PCSK5: variants seen among roughly 807,000 people sequenced by gnomAD.
The protein encoded by PCSK5 is prohormone convertase 5.
Under a neutral mutation model 233.2 loss-of-function variants are expected in PCSK5, and 129 were observed. The ratio of observed to expected loss-of-function variants is 0.55; its 90% CI spans 0.48 to 0.64. The LOEUF is 0.64. PCSK5 is among the 30% of genes least tolerant of loss of function. PCSK5 has a pLI of 0.00. For missense variants in PCSK5, 2,076 were observed against 2,430.1 expected (o/e 0.85, Z 3.06); for synonymous variants, 825 against 879.2 (o/e 0.94, Z 1.09).
chr9:76,067,605 C>T (rs962930737), intron 5 of PCSK5, among the ~76,000 whole-genome samples: 10 of 152,134 alleles, frequency 6.6e-5, no homozygotes, highest in African/African-American at 2.4e-4. Flanking sequence ...GATAAGGTTG[C>T]AGTAGTCACA....
At chr9:76,255,697 C>T (rs537621439) in intron 24 of PCSK5, among the ~76,000 whole-genome samples, 54 of 152,084 alleles carry the variant, frequency 3.6e-4, no homozygotes, top group Non-Finnish European at 5.7e-4. Flanking sequence ...TAGCCTGGTG[C>T]GGTTACACGC....
intron 5 of PCSK5, among the ~76,000 whole-genome samples, chr9:76,037,899 G>A (rs1286584701): frequency 3.9e-5 from 6 of 152,168 alleles, no homozygotes; most frequent in Admixed American, 2.0e-4. Flanking sequence ...ACTCTCAGGC[G>A]AAGCTGCCAT....
At chr9:76,289,329 C>G (rs878979477) in intron 24 of PCSK5, among the ~76,000 whole-genome samples, 1 of 152,120 alleles carries the variant, frequency 6.6e-6, no homozygotes, top group African/African-American at 2.4e-5. Context: ...TTCCCCATCT[C>G]TCCCCAAAAT....
chr9:76,138,724 C>G (rs1823081149), intron 10 of PCSK5, among the ~76,000 whole-genome samples: 1 of 151,940 alleles, frequency 6.6e-6, no homozygotes, highest in Admixed American at 6.6e-5. Context: ...CAGTTAAACT[C>G]TCTTAAATCT....
intron 2 of PCSK5, among the ~76,000 whole-genome samples, chr9:75,972,047 A>G (rs1435097215): frequency 6.6e-6 from 1 of 151,630 alleles, no homozygotes; most frequent in African/African-American, 2.4e-5. Flanking sequence ...CTATGAGTTA[A>G]TTTTTGTATA....
chr9:76,172,795 G>A (rs771595530), intron 13 of PCSK5, among the ~76,000 whole-genome samples: 2 of 152,130 alleles, frequency 1.3e-5, no homozygotes, highest in Non-Finnish European at 2.9e-5. Flanking sequence ...ACTCCCTAAT[G>A]CGTGTTACTT....
intron 12 of PCSK5, among the ~76,000 whole-genome samples, chr9:76,163,797 A>G (rs1016369667): frequency 6.6e-6 from 1 of 152,058 alleles, no homozygotes; most frequent in African/African-American, 2.4e-5. Flanking sequence ...AATTTTTCAA[A>G]CAAAAGCTTA....
intron 8 of PCSK5, among the ~76,000 whole-genome samples, chr9:76,104,093 G>A (rs540126423): frequency 1.3e-3 from 193 of 152,194 alleles, no homozygotes; most frequent in Middle Eastern, 3.4e-3. Flanking sequence ...TTTTCATAAC[G>A]TCATTTTTCT....
intron 9 of PCSK5, among the ~76,000 whole-genome samples, chr9:76,119,170 G>A (rs1221893092): frequency 3.9e-5 from 6 of 151,910 alleles, no homozygotes; most frequent in South Asian, 4.1e-4. Context: ...AAAGTCACTC[G>A]AAAAGATAAT....
intron 2 of PCSK5, among the ~76,000 whole-genome samples, chr9:75,985,296 T>G (rs1826460897): frequency 6.6e-6 from 1 of 152,194 alleles, no homozygotes; most frequent in Non-Finnish European, 1.5e-5. Context: ...AGACTCAAGG[T>G]TTCTGGTTAC....
intron 5 of PCSK5, among the ~76,000 whole-genome samples, chr9:76,057,145 C>G (rs1259320018): frequency 6.6e-6 from 1 of 152,114 alleles, no homozygotes; most frequent in Non-Finnish European, 1.5e-5. Flanking sequence ...ACTCTGTGGT[C>G]TCTGAGCAAA....
intron 35 of PCSK5, among the ~76,000 whole-genome samples, chr9:76,346,103 T>G (rs1194735024): frequency 6.6e-6 from 1 of 152,216 alleles, no homozygotes; most frequent in Admixed American, 6.5e-5. Context: ...TTCTTCTGCA[T>G]ATAGCTGTCC....
chr9:76,274,450 C>T (rs546358806), intron 24 of PCSK5, among the ~76,000 whole-genome samples: 1 of 152,134 alleles, frequency 6.6e-6, no homozygotes, highest in African/African-American at 2.4e-5. Flanking sequence ...CTCATGGTGA[C>T]TGATTTCCTT....
chr9:76,074,637 C>T (rs990088586), intron 7 of PCSK5, among the ~76,000 whole-genome samples: 1 of 152,108 alleles, frequency 6.6e-6, no homozygotes, highest in Non-Finnish European at 1.5e-5. Flanking sequence ...TCTCTCTAAC[C>T]TTATGTAGAT....
chr9:76,310,805 C>A lies in PCSK5; in HGVS notation c.3838C>A (p.His1280Asn). The change falls in exon 30 of 38, where the codon CAC becomes AAC. Residue 1280 changes from histidine to asparagine, a missense_variant. His to Asn is a moderately conservative substitution (Grantham distance 68). Transcript: ENST00000674117. ...CAAAAAATGCCAGATGCAGCCGGGC[C>A]ACCCTCTCTTCCTCCATGAAGGCAG... ...LCKKCQMQPG[H>N]PLFLHEGRCY... 6.2e-7 allele frequency: 1 copy of A among 1,611,054 alleles called. No individual in the cohort carries two copies. The highest frequency in any genetic ancestry group is 2.2e-5 in the East Asian group (1 of 44,804).
chr9:76,196,433 G>A (rs1002573678), intron 20 of PCSK5, among the ~76,000 whole-genome samples: 1 of 152,230 alleles, frequency 6.6e-6, no homozygotes, highest in African/African-American at 2.4e-5. Context: ...CAGGGGGTGG[G>A]ACTGAACGAG....
intron 21 of PCSK5, among the ~76,000 whole-genome samples, chr9:76,231,270 C>T (rs1018048429): frequency 9.9e-5 from 15 of 152,212 alleles, no homozygotes; most frequent in Middle Eastern, 3.4e-3. Context: ...CTCACTATCA[C>T]GAGAACAGCA....
At chr9:76,247,815 C>T (rs1826664406) in intron 24 of PCSK5, among the ~76,000 whole-genome samples, 1 of 151,046 alleles carries the variant, frequency 6.6e-6, no homozygotes, top group African/African-American at 2.4e-5. Context: ...GACAGAGTCT[C>T]GCCCTGTTGC....
intron 33 of PCSK5, among the ~76,000 whole-genome samples, chr9:76,331,076 G>A (rs1273597482): frequency 6.6e-6 from 1 of 152,086 alleles, no homozygotes; most frequent in Non-Finnish European, 1.5e-5. Flanking sequence ...TAGTCCCCCT[G>A]GGAAATGGGT....
Sources: gnomAD v4.1 joint callset for allele counts (sites outside exome capture counted in the v4.1 genomes callset) on GRCh38, gnomAD v4.1.1 for gene constraint, MANE v1.5 for transcripts, NCBI Gene and HGNC (gene_info 2026-07-23, HGNC 2026-07-21) for gene names.